Variants in ADAMTS2 observed in about 807,000 individuals in gnomAD.
ADAMTS2 encodes A disintegrin and metalloproteinase with thrombospondin motifs 2.
Under a neutral mutation model 123.0 loss-of-function variants are expected in ADAMTS2, and 50 were observed. The observed-to-expected ratio is 0.41, with a 90% CI of 0.32 to 0.51. ADAMTS2 has a LOEUF of 0.51. Among genes scored for constraint, ADAMTS2 ranks in the 20% least tolerant of loss-of-function variants. ADAMTS2 has a pLI of 0.35. For synonymous variants in ADAMTS2, 678 were observed against 695.4 expected, an observed-to-expected ratio of 0.98 and a Z score of 0.39; for missense variants, 1,494 against 1,705.2, an observed-to-expected ratio of 0.88 and a Z score of 2.18.
At chr5:179,157,734 G>C (rs1581159210) in intron 6 of ADAMTS2, among the ~76,000 whole-genome samples, 1 of 151,886 alleles carries the variant, frequency 6.6e-6, no homozygotes, top group East Asian at 1.9e-4. Flanking sequence ...TATGTTTATT[G>C]CTCATTCATA....
chr5:179,298,639 T>G (rs1581255285), intron 2 of ADAMTS2, among the ~76,000 whole-genome samples: 1 of 151,496 alleles, frequency 6.6e-6, no homozygotes, highest in African/African-American at 2.4e-5. Flanking sequence ...GCAGGAGGGG[T>G]GTGGACGGGC....
At chr5:179,219,112 A>T (rs1427221429) in intron 3 of ADAMTS2, among the ~76,000 whole-genome samples, 1 of 152,196 alleles carries the variant, frequency 6.6e-6, no homozygotes, top group Non-Finnish European at 1.5e-5. Context: ...CTGTTAGGCC[A>T]CTGGAACCTG....
chr5:179,293,530 C>A (rs1301805311), intron 2 of ADAMTS2, among the ~76,000 whole-genome samples: 1 of 152,270 alleles, frequency 6.6e-6, no homozygotes, highest in Non-Finnish European at 1.5e-5. Context: ...ACATCAGCCT[C>A]CCATTGCTAG....
intron 4 of ADAMTS2, among the ~76,000 whole-genome samples, chr5:179,192,279 C>T (rs548595178): frequency 8.0e-4 from 122 of 152,342 alleles, no homozygotes; most frequent in Non-Finnish European, 1.5e-3. Flanking sequence ...AAGAAGGGTC[C>T]TGCATTACAA....
At chr5:179,208,669 C>T (rs912074791) in intron 3 of ADAMTS2, among the ~76,000 whole-genome samples, 2 of 152,216 alleles carry the variant, frequency 1.3e-5, no homozygotes, top group Admixed American at 6.5e-5. Context: ...CTGAAGGCCA[C>T]AGCAAGGCTG....
At position 179,153,500 on chromosome 5, in the gene ADAMTS2, C is replaced by T; in HGVS notation, c.1506G>A (p.Met502Ile). The part of the protein sequence containing the change: ...CRFDFGLGYM[M>I]CTAFRTFDPC... ...AGGGCTGCACACTCACCGCCGTGCA[C>T]ATCATGTAGCCCAGGCCGAAGTCAA... is the stretch of plus-strand genomic sequence containing the variant. Residue 502 changes from methionine to isoleucine, a missense_variant, in exon 9 of 22, where the codon ATG becomes ATA. Met to Ile is a conservative substitution (Grantham distance 10). Coordinates refer to ENST00000251582, the MANE Select transcript of ADAMTS2 (RefSeq NM_014244.5). 1 of 1,609,482 alleles carries T rather than the reference C, an allele frequency of 6.2e-7. No homozygotes were observed. The highest frequency in any genetic ancestry group is 1.1e-5 in the South Asian group (1 of 91,088).
At chr5:179,333,829 A>C (rs911652970) in intron 2 of ADAMTS2, among the ~76,000 whole-genome samples, 24 of 151,980 alleles carry the variant, frequency 1.6e-4, no homozygotes, top group Non-Finnish European at 2.6e-4. Context: ...CAAACACCTG[A>C]CCTCAAGTGA....
rs140571642 is a variant in ADAMTS2, at chr5:179,242,820, A to C, written c.688+30091T>G. Among the ~76,000 whole-genome samples the C allele has an allele frequency of 1.5e-4, 23 of 152,244 alleles. No individual in the cohort carries two copies. Among genetic ancestry groups the C allele is most frequent in the African/African-American group, 3.9e-4 (16 of 41,542 alleles). On this transcript the variant is annotated intron_variant, in intron 3 of 21. Transcript: ENST00000251582. This position sits in a 1 kb window ranked among gnomAD's most constrained non-coding sequence, Gnocchi z 4.2. ...AGATGGGCCACCAGCGTTTCTCATC[A>C]TCTCCAACTCCCAGTGACAGAGGGT...
chr5:179,300,386 G>A (rs1173530266), intron 2 of ADAMTS2, among the ~76,000 whole-genome samples: 1 of 152,038 alleles, frequency 6.6e-6, no homozygotes, highest in Non-Finnish European at 1.5e-5. Flanking sequence ...CATATGTTTT[G>A]TATGTTCAAA....
chr5:179,293,335 G>T (rs1405367103), intron 2 of ADAMTS2, among the ~76,000 whole-genome samples: 1 of 152,258 alleles, frequency 6.6e-6, no homozygotes, highest in Non-Finnish European at 1.5e-5. Context: ...ATTCTTGCAG[G>T]CTTTGTTTAT....
chr5:179,121,311 C>T (rs574479194), intron 21 of ADAMTS2: 269 of 170,134 alleles, frequency 1.6e-3, no homozygotes, highest in Non-Finnish European at 2.6e-3. Flanking sequence ...GGGTGGGGTC[C>T]CCGCACGACG....
At chr5:179,327,051 C>A (rs1757337324) in intron 2 of ADAMTS2, among the ~76,000 whole-genome samples, 1 of 152,188 alleles carries the variant, frequency 6.6e-6, no homozygotes, top group Non-Finnish European at 1.5e-5. Flanking sequence ...TGGGACCCTT[C>A]TAGAGGGTTC....
chr5:179,135,941 C>T lies in ADAMTS2; in HGVS notation c.2053G>A (p.Ala685Thr), dbSNP rs367549580. 42 of 1,613,134 alleles carry T rather than the reference C, an allele frequency of 2.6e-5. No individual in the cohort carries two copies. Among genetic ancestry groups the T allele is most frequent in the Non-Finnish European group, 3.3e-5 (39 of 1,180,036 alleles). ...TCCCCGCGCACACAGAGGCTGAAGG[C>T]GTCCTTGTAGGAGCAGCGCGTCCCG... ...HDGTRCSYKD[A>T]FSLCVRGDCR... Residue 685 changes from alanine to threonine, a missense_variant, in exon 13 of 22, where the codon GCC becomes ACC. Transcript: ENST00000251582.
At position 179,155,403 on chromosome 5, in the gene ADAMTS2, GT is replaced by G. The variant is rs777717365; in HGVS notation, c.1133-485del. Among the ~76,000 whole-genome samples, 26 of 152,282 alleles carry G rather than the reference GT, an allele frequency of 1.7e-4. No individual in the cohort carries two copies. The East Asian group carries it at 4.1e-3, about 24-fold the overall frequency. On this transcript the variant is annotated intron_variant, in intron 6 of 21. Coordinates refer to ENST00000251582, the MANE Select transcript of ADAMTS2 (RefSeq NM_014244.5). The surrounding 1 kb of genome is among the most constrained non-coding windows in gnomAD (Gnocchi z 5.1). ...ACCTCCTCTGGGGGGCGTTTCTTGG[GT>G]CTCCCCGTGTTTCTCTGGGGTCCTT...
rs1354164952 is a variant in ADAMTS2, at chr5:179,162,211, T to G, written c.976-3332A>C. 6.6e-6 allele frequency among the ~76,000 whole-genome samples: 1 copy of G among 152,130 alleles called. No homozygotes were observed. Among genetic ancestry groups the G allele is most frequent in the Non-Finnish European group, 1.5e-5 (1 of 68,018 alleles). On this transcript the variant is annotated intron_variant, in intron 5 of 21. Coordinates refer to ENST00000251582, the MANE Select transcript of ADAMTS2 (RefSeq NM_014244.5). This position sits in a 1 kb window ranked among gnomAD's most constrained non-coding sequence, Gnocchi z 5.1. ...TCTGCCTGCCCTTGTTTCCCTTTCG[T>G]GAAACTTCCCCTCCTTTAATCTGAG...
At chr5:179,136,175 G>C (rs1763064659) in intron 12 of ADAMTS2, 133 bp from the exon 13 acceptor site, 6 of 1,303,110 alleles carry the variant, frequency 4.6e-6, no homozygotes, top group African/African-American at 2.9e-5. Flanking sequence ...GACAGAGAGG[G>C]AAAGGGGTGG....
At chr5:179,223,281 CAT>C (rs1163720742) in intron 3 of ADAMTS2, among the ~76,000 whole-genome samples, 2 of 150,980 alleles carry the variant, frequency 1.3e-5, no homozygotes, top group African/African-American at 4.9e-5. Context: ...CGAATGCACT[CAT>C]ACACACACAC....
chr5:179,139,836 C>T lies in ADAMTS2; in HGVS notation c.1775+54G>A, dbSNP rs1470119617. On this transcript the variant is annotated intron_variant, in intron 11 of 21. Transcript: ENST00000251582. ...GGACAGGGCTGGCTGGAGAGGGTCT[C>T]CTGGACCCTCAGCTGCCACTCAGCA... 29 of 1,607,356 alleles carry T rather than the reference C, an allele frequency of 1.8e-5. No individual in the cohort carries two copies. In the East Asian group the frequency reaches 5.1e-4, roughly 28 times the overall value.
At chr5:179,196,734 T>A (rs1217747697) in intron 4 of ADAMTS2, among the ~76,000 whole-genome samples, 1 of 152,224 alleles carries the variant, frequency 6.6e-6, no homozygotes, top group Non-Finnish European at 1.5e-5. Flanking sequence ...AGCAAGTACA[T>A]TTCTGCACAG....
Sources: allele counts gnomAD v4.1 joint callset (sites outside exome capture counted in the v4.1 genomes callset), GRCh38; gene constraint gnomAD v4.1.1; non-coding constraint Gnocchi (gnomAD v3.1); transcripts MANE v1.5; gene names NCBI Gene and HGNC (gene_info 2026-07-23, HGNC 2026-07-21).